The following GAB1 variants were observed in gnomAD, a reference collection of about 807,000 sequenced individuals.
GAB1 encodes the protein GRB2 associated binding protein 1.
Under a neutral mutation model 66.5 loss-of-function variants are expected in GAB1, and 19 were observed. That is an observed-to-expected ratio of 0.29 (90% confidence interval 0.20 to 0.42). The LOEUF is 0.42. Among genes scored for constraint, GAB1 ranks in the 10% least tolerant of loss-of-function variants. The pLI is 1.00. For missense variants in GAB1, 732 were observed against 858.5 expected (o/e 0.85, Z 1.84); for synonymous variants, 294 against 301.4 (o/e 0.98, Z 0.25).
chr4:143,369,312 A>G (rs1303609363), intron 1 of GAB1, among the ~76,000 whole-genome samples: 1 of 152,066 alleles, frequency 6.6e-6, no homozygotes, highest in East Asian at 1.9e-4. Flanking sequence ...CCTGACCTCA[A>G]GTGATCTGCC....
At chr4:143,343,665 G>C (rs1348482822) in intron 1 of GAB1, 3 of 154,834 alleles carry the variant, frequency 1.9e-5, no homozygotes, top group African/African-American at 7.2e-5. Flanking sequence ...TGAAAGTTTA[G>C]AGTGAGAACA....
At chr4:143,391,683 G>A (rs530553788) in intron 1 of GAB1, 5 of 152,106 alleles carry the variant, frequency 3.3e-5, no homozygotes, top group East Asian at 1.9e-4. Flanking sequence ...TTTGTCCCAC[G>A]TAAAGAGGAA....
chr4:143,392,497 C>T (rs1731232357), intron 1 of GAB1, among the ~76,000 whole-genome samples: 2 of 152,040 alleles, frequency 1.3e-5, no homozygotes, highest in Admixed American at 1.3e-4. Context: ...ATACATGAAA[C>T]CTACCAAAAC....
chr4:143,348,486 T>C (rs1239889766), intron 1 of GAB1, among the ~76,000 whole-genome samples: 2 of 152,384 alleles, frequency 1.3e-5, no homozygotes, highest in African/African-American at 4.8e-5. Flanking sequence ...GACCAAACCC[T>C]GTCGGTTTTA....
chr4:143,464,629 T>C (rs1578759100), intron 8 of GAB1, among the ~76,000 whole-genome samples: 2 of 152,226 alleles, frequency 1.3e-5, no homozygotes, highest in East Asian at 3.8e-4. Flanking sequence ...GTTGTACAGG[T>C]TGTTTACTGA....
chr4:143,402,016 A>G (rs1731802353), intron 1 of GAB1, among the ~76,000 whole-genome samples: 1 of 152,150 alleles, frequency 6.6e-6, no homozygotes, highest in Non-Finnish European at 1.5e-5. Flanking sequence ...CAGACATTTA[A>G]AATTTATGAT....
intron 1 of GAB1, among the ~76,000 whole-genome samples, chr4:143,410,230 A>G (rs1168307761): frequency 6.6e-6 from 1 of 152,178 alleles, no homozygotes; most frequent in Non-Finnish European, 1.5e-5. Context: ...AATTTTGGCA[A>G]GCATCACACC....
intron 2 of GAB1, among the ~76,000 whole-genome samples, chr4:143,423,796 A>G (rs1176017900): frequency 1.2e-3 from 21 of 17,472 alleles, no homozygotes; most frequent in East Asian, 4.7e-3. Context: ...AAAAGTGTAT[A>G]TATATATATA....
chr4:143,401,652 C>A (rs1481825634), intron 1 of GAB1, among the ~76,000 whole-genome samples: 2 of 152,070 alleles, frequency 1.3e-5, no homozygotes, highest in Non-Finnish European at 2.9e-5. Context: ...GAAAAAGTCA[C>A]AATAGGTGGA....
chr4:143,408,773 A>T (rs188058884), intron 1 of GAB1, among the ~76,000 whole-genome samples: 149 of 152,322 alleles, frequency 9.8e-4, no homozygotes, highest in African/African-American at 3.5e-3. Context: ...TGAAATTTTG[A>T]ATTCTACTAA....
At chr4:143,418,097 G>A (rs59601348) in intron 2 of GAB1, among the ~76,000 whole-genome samples, 1,672 of 152,332 alleles carry the variant, frequency 0.011, 26 homozygotes, top group African/African-American at 0.038. Flanking sequence ...TGGGGTCGGG[G>A]AAACCCCTTA....
chr4:143,370,958 T>A (rs1178268448), intron 1 of GAB1, among the ~76,000 whole-genome samples: 1 of 152,240 alleles, frequency 6.6e-6, no homozygotes, highest in East Asian at 1.9e-4. Context: ...TTGATGGACA[T>A]TTGGGTTGGT....
intron 2 of GAB1, among the ~76,000 whole-genome samples, chr4:143,431,952 A>G (rs1007538605): frequency 1.3e-5 from 2 of 152,194 alleles, no homozygotes; most frequent in African/African-American, 2.4e-5. Context: ...GAAAAAAAAA[A>G]GGCCTCGCTT....
At chr4:143,373,857 G>GAAA (rs1730270674) in intron 1 of GAB1, among the ~76,000 whole-genome samples, 5 of 53,834 alleles carry the variant, frequency 9.3e-5, no homozygotes, top group African/African-American at 4.2e-4. Flanking sequence ...CTCTCTCTCT[G>GAAA]TAAATAAATA....
chr4:143,456,456 C>CAAA (rs5862641), intron 6 of GAB1, among the ~76,000 whole-genome samples: 8 of 139,862 alleles, frequency 5.7e-5, no homozygotes, highest in South Asian at 4.6e-4. Context: ...GACTCCGTCT[C>CAAA]AAAAAAAAAA....
At position 143,471,112 on chromosome 4, in the gene GAB1, A is replaced by AT. The variant is rs1239767439; in HGVS notation, c.*1926dup. ...ATTCTGTTACTTGGAGGATGAATATATTTAAGATTTAAAACACAATAATAA... is the reference window on the plus strand; with the variant it reads ...ATTCTGTTACTTGGAGGATGAATATATTTTAAGATTTAAAACACAATAATAA... On this transcript the variant is annotated 3_prime_UTR_variant, in exon 10 of 10. Transcript: ENST00000262994. The AT allele has an allele frequency of 6.6e-6, 1 of 152,194 alleles. No individual in the cohort carries two copies. Among genetic ancestry groups the AT allele is most frequent in the Non-Finnish European group, 1.5e-5 (1 of 68,024 alleles). The allele number at this position is 152,194 out of a possible 1,614,324, so 9.4% of individuals were successfully genotyped here. A position where few individuals can be genotyped will look rare whatever the true frequency, so the allele number is the denominator to read the frequency against.
chr4:143,367,450 G>C (rs564931881), intron 1 of GAB1, among the ~76,000 whole-genome samples: 11 of 152,034 alleles, frequency 7.2e-5, no homozygotes, highest in African/African-American at 2.7e-4. Context: ...GTGAAACGAA[G>C]AAAATGTATA....
At chr4:143,394,547 C>T (rs566406904) in intron 1 of GAB1, among the ~76,000 whole-genome samples, 1 of 152,252 alleles carries the variant, frequency 6.6e-6, no homozygotes, top group South Asian at 2.1e-4. Flanking sequence ...AAACTGATCA[C>T]ATGTATACAA....
intron 1 of GAB1, among the ~76,000 whole-genome samples, chr4:143,410,311 C>G (rs1732311319): frequency 6.6e-6 from 1 of 152,088 alleles, no homozygotes. Flanking sequence ...CAATGTTTTT[C>G]TTTAAAGCTG....
Sources: gnomAD v4.1 joint callset for allele counts (sites outside exome capture counted in the v4.1 genomes callset) on GRCh38, gnomAD v4.1.1 for gene constraint, MANE v1.5 for transcripts, NCBI Gene and HGNC (gene_info 2026-07-23, HGNC 2026-07-21) for gene names.